The following MAP2K1 variants were observed in gnomAD, a reference collection of about 807,000 sequenced individuals.
MAP2K1 encodes dual specificity mitogen-activated protein kinase kinase 1.
MAP2K1 carries 16 observed loss-of-function variants against 46.3 expected under a neutral mutation model. That is an observed-to-expected ratio of 0.35 (90% CI 0.23 to 0.52). The LOEUF (loss-of-function observed/expected upper bound fraction) is 0.52. Ranked by LOEUF, MAP2K1 falls within the 20% of genes least tolerant of loss-of-function variation. The pLI is 0.94. For missense variants in MAP2K1, 263 were observed against 497.1 expected (o/e 0.53, Z 4.48); for synonymous variants, 183 against 185.6 (o/e 0.99, Z 0.11).
intron 3 of MAP2K1, among the ~76,000 whole-genome samples, chr15:66,440,613 A>T (rs1276041955): frequency 6.6e-6 from 1 of 152,232 alleles, no homozygotes; most frequent in Non-Finnish European, 1.5e-5. Flanking sequence ...AGCTGAGCCA[A>T]CCGGAGAACT....
At chr15:66,433,502 C>T (rs1213783919) in intron 1 of MAP2K1, among the ~76,000 whole-genome samples, 11 of 151,922 alleles carry the variant, frequency 7.2e-5, no homozygotes, top group Admixed American at 7.2e-4. Context: ...GGGGGAAAAT[C>T]AGTGAGGAAA....
chr15:66,418,697 C>G (rs919614815), intron 1 of MAP2K1, among the ~76,000 whole-genome samples: 14 of 151,474 alleles, frequency 9.2e-5, no homozygotes, highest in Non-Finnish European at 1.5e-4. Flanking sequence ...GAGTCTCGCT[C>G]TGTCGCCCAG....
chr15:66,456,080 C>G (rs928277899), intron 5 of MAP2K1, among the ~76,000 whole-genome samples: 15 of 152,268 alleles, frequency 9.9e-5, no homozygotes, highest in African/African-American at 3.6e-4. Context: ...CCTACCTCCT[C>G]AGTCTTTTCC....
chr15:66,479,906 TTTTA>T (rs1892873308), intron 5 of MAP2K1, among the ~76,000 whole-genome samples: 1 of 151,762 alleles, frequency 6.6e-6, no homozygotes, highest in Non-Finnish European at 1.5e-5. Flanking sequence ...TTATTTTTAT[TTTTA>T]TTTATTTTTT....
rs2140584180 is a variant in MAP2K1, at chr15:66,436,855, A to G, written c.401A>G (p.Tyr134Cys). The G allele has an allele frequency of 6.2e-7, 1 of 1,614,162 alleles. No individual in the cohort carries two copies. The highest frequency in any genetic ancestry group is 8.5e-7 in the Non-Finnish European group (1 of 1,180,024). Residue 134 changes from tyrosine to cysteine, a missense_variant, in exon 3 of 11, where the codon TAC becomes TGC. Tyr to Cys is a radical substitution (Grantham distance 194). Coordinates refer to ENST00000307102, the MANE Select transcript of MAP2K1 (RefSeq NM_002755.4). ...PYIVGFYGAFYSDGEISICME... is the reference protein window; with the variant it reads ...PYIVGFYGAFCSDGEISICME... Reference sequence around the variant, plus strand: ...ATCGTGGGCTTCTATGGTGCGTTCTACAGCGATGGCGAGATCAGTATCTGC... The same window carrying G: ...ATCGTGGGCTTCTATGGTGCGTTCTGCAGCGATGGCGAGATCAGTATCTGC...
chr15:66,427,158 G>A (rs894076704), intron 1 of MAP2K1, among the ~76,000 whole-genome samples: 4 of 152,186 alleles, frequency 2.6e-5, no homozygotes, highest in African/African-American at 9.7e-5. Flanking sequence ...GTAAAAAGTG[G>A]TTGTAGAAAT....
At chr15:66,398,287 G>A (rs547489269) in intron 1 of MAP2K1, among the ~76,000 whole-genome samples, 58 of 152,030 alleles carry the variant, frequency 3.8e-4, no homozygotes, top group African/African-American at 9.6e-4. Flanking sequence ...GTGGTGGTGC[G>A]TGCGTGTAGT....
intron 8 of MAP2K1, 44 bp from the exon 9 acceptor site, chr15:66,489,171 A>G: frequency 1.3e-6 from 2 of 1,527,596 alleles, no homozygotes; most frequent in Non-Finnish European, 1.8e-6. Context: ...AGATGGCTGG[A>G]GCAAGGAGCC....
intron 5 of MAP2K1, among the ~76,000 whole-genome samples, chr15:66,480,021 C>G (rs1026456518): frequency 6.6e-6 from 1 of 152,066 alleles, no homozygotes; most frequent in African/African-American, 2.4e-5. Flanking sequence ...TCTCCTGCCT[C>G]AGCCTCCTGA....
At position 66,490,704 on chromosome 15, in the gene MAP2K1, G is replaced by T; in HGVS notation, c.*89G>T. On this transcript the variant is annotated 3_prime_UTR_variant, in exon 11 of 11. Transcript: ENST00000307102. The stretch of plus-strand genomic sequence containing the variant: ...TCCTTCCCATGCCTGTCTCTGTTCA[G>T]ATGTGCATTTCACCTGTGACAAAGG... 1.1e-6 allele frequency: 1 copy of T among 901,172 alleles called. No individual in the cohort carries two copies. The highest frequency in any genetic ancestry group is 1.9e-6 in the Non-Finnish European group (1 of 535,014). The allele number at this position is 901,172 out of a possible 1,614,324, so 55.8% of individuals were successfully genotyped here. A position where few individuals can be genotyped will look rare whatever the true frequency, so the allele number is the denominator to read the frequency against.
At chr15:66,408,300 A>G (rs1388996866) in intron 1 of MAP2K1, among the ~76,000 whole-genome samples, 1 of 152,228 alleles carries the variant, frequency 6.6e-6, no homozygotes, top group Non-Finnish European at 1.5e-5. Context: ...GACTTAGAAT[A>G]GAGACAACAC....
chr15:66,455,915 G>A (rs1892155341), intron 5 of MAP2K1, among the ~76,000 whole-genome samples: 1 of 152,176 alleles, frequency 6.6e-6, no homozygotes, highest in Non-Finnish European at 1.5e-5. Context: ...CAATCTGTGT[G>A]GTTTAGCCTG....
rs1028253516 is a variant in MAP2K1 at position 66,453,499 on chromosome 15, A to G, written c.568+8792A>G. The G allele has an allele frequency of 7.1e-6, 5 of 702,224 alleles. No individual in the cohort carries two copies. In the East Asian group the frequency reaches 1.1e-4, roughly 15 times the overall value. The allele number at this position is 702,224 out of a possible 1,614,324, so 43.5% of individuals were successfully genotyped here. A position where few individuals can be genotyped will look rare whatever the true frequency, so the allele number is the denominator to read the frequency against. ...AAGAATGAACTGTAAGGCCTGGACT[A>G]TGGAATGGTACCTGTGCACCAGCAA... On this transcript the variant is annotated intron_variant, in intron 5 of 10. Transcript: ENST00000307102.
chr15:66,443,642 A>G (rs542044032), intron 4 of MAP2K1, among the ~76,000 whole-genome samples: 29 of 152,102 alleles, frequency 1.9e-4, no homozygotes, highest in African/African-American at 6.7e-4. Context: ...AGGCCAAGGC[A>G]GGAGGACTGC....
At chr15:66,487,418 C>A in intron 8 of MAP2K1, 126 bp downstream of exon 8, 1 of 881,666 alleles carries the variant, frequency 1.1e-6, no homozygotes, top group Non-Finnish European at 1.9e-6. Flanking sequence ...GCGGGTGGAT[C>A]ACACGAGGTG....
At chr15:66,476,911 A>G in intron 5 of MAP2K1, among the ~76,000 whole-genome samples, 1 of 152,094 alleles carries the variant, frequency 6.6e-6, no homozygotes, top group Admixed American at 6.5e-5. Context: ...GTCCCCAGAG[A>G]AGAGCTAGAC....
In MAP2K1 at chr15:66,453,325, A is replaced by G; in HGVS notation, c.568+8618A>G. ...CATGAAGAGATGCTTTGTGAGCCAGATGGGTCTCTGAACAGATGTCTTTGA... is the reference window on the plus strand; with the variant it reads ...CATGAAGAGATGCTTTGTGAGCCAGGTGGGTCTCTGAACAGATGTCTTTGA... On this transcript the variant is annotated intron_variant, in intron 5 of 10. Coordinates refer to ENST00000307102, the MANE Select transcript of MAP2K1 (RefSeq NM_002755.4). 7 of 565,644 alleles carry G rather than the reference A, an allele frequency of 1.2e-5. No individual in the cohort carries two copies. In the South Asian group the frequency reaches 1.6e-4, roughly 13 times the overall value. 35.0% of individuals were successfully genotyped at this position (565,644 alleles called of 1,614,324 possible).
At chr15:66,447,392 T>C (rs1313485119) in intron 5 of MAP2K1, among the ~76,000 whole-genome samples, 1 of 151,952 alleles carries the variant, frequency 6.6e-6, no homozygotes, top group Non-Finnish European at 1.5e-5. Flanking sequence ...ACCTGAAAAT[T>C]TAGAAATAGG....
intron 5 of MAP2K1, among the ~76,000 whole-genome samples, chr15:66,478,291 T>C (rs906429671): frequency 6.8e-6 from 1 of 146,648 alleles, no homozygotes; most frequent in Non-Finnish European, 1.5e-5. Context: ...ATATATATAC[T>C]ATATATACCT....
Sources: gnomAD v4.1 joint callset for allele counts (sites outside exome capture counted in the v4.1 genomes callset) on GRCh38, gnomAD v4.1.1 for gene constraint, MANE v1.5 for transcripts, NCBI Gene and HGNC (gene_info 2026-07-23, HGNC 2026-07-21) for gene names.